Variants in TUSC3 observed in about 807,000 individuals in gnomAD.
TUSC3 encodes tumor suppressor candidate 3, also known as dolichyl-diphosphooligosaccharide--protein glycosyltransferase subunit TUSC3.
In TUSC3, 45 loss-of-function variants were observed where a neutral mutation model predicts 44.8. That is an observed-to-expected ratio of 1.00 (90% CI 0.79 to 1.29). The LOEUF is 1.29. TUSC3 is among the 50% of genes most tolerant of loss of function. The pLI is 0.00. For missense variants in TUSC3, 519 were observed against 437.9 expected (o/e 1.19, Z -1.65); for synonymous variants, 212 against 152.9 (o/e 1.39, Z -2.85).
chr8:15,662,299 A>G lies in TUSC3; in HGVS notation c.708+3A>G. The G allele has an allele frequency of 3.7e-6, 6 of 1,612,640 alleles. No homozygotes were observed. Among genetic ancestry groups the G allele is most frequent in the Non-Finnish European group, 5.1e-6 (6 of 1,178,908 alleles). ...CTGGTTGGGCCATGGTGTCTCTGGT[A>G]TGTTAATACATTGTGCTTTTTTTAT... On this transcript the variant is annotated splice_donor_region_variant and intron_variant, in intron 5 of 10. Coordinates refer to ENST00000503731, the MANE Select transcript of TUSC3 (RefSeq NM_006765.4).
At chr8:15,627,872 G>A (rs955024650) in intron 2 of TUSC3, among the ~76,000 whole-genome samples, 1 of 152,300 alleles carries the variant, frequency 6.6e-6, no homozygotes, top group African/African-American at 2.4e-5. Flanking sequence ...GATCCTGGCC[G>A]GTAGCGGGAG....
At chr8:15,684,686 T>C (rs1808556261) in intron 6 of TUSC3, among the ~76,000 whole-genome samples, 1 of 152,138 alleles carries the variant, frequency 6.6e-6, no homozygotes, top group Admixed American at 6.5e-5. Flanking sequence ...CTTCTCTGTG[T>C]TCTGAGATTG....
Position 15,764,524 on chromosome 8 carries a change from C to A in TUSC3, c.*368C>A. 6.8e-6 allele frequency: 2 copies of A among 294,862 alleles called. No individual in the cohort carries two copies. Among genetic ancestry groups the A allele is most frequent in the Non-Finnish European group, 6.5e-6 (1 of 153,250 alleles). The allele number at this position is 294,862 out of a possible 1,614,324, so 18.3% of individuals were successfully genotyped here. A position where few individuals can be genotyped will look rare whatever the true frequency, so the allele number is the denominator to read the frequency against. On this transcript the variant is annotated 3_prime_UTR_variant, in exon 11 of 11. Transcript: ENST00000503731. Reference sequence around the variant, plus strand: ...AGCTGTTTACTCATTAGTAAAGGACCGCAATGTTAGTAAAGAAAACCTATG... The same window carrying A: ...AGCTGTTTACTCATTAGTAAAGGACAGCAATGTTAGTAAAGAAAACCTATG...
intron 6 of TUSC3, among the ~76,000 whole-genome samples, chr8:15,684,091 G>A (rs553735243): frequency 3.5e-5 from 5 of 144,812 alleles, no homozygotes; most frequent in African/African-American, 1.0e-4. Context: ...TGCATTCACC[G>A]TAGTGCTCTG....
At chr8:15,734,199 G>A (rs1331096018) in intron 7 of TUSC3, among the ~76,000 whole-genome samples, 1 of 152,022 alleles carries the variant, frequency 6.6e-6, no homozygotes, top group Non-Finnish European at 1.5e-5. Flanking sequence ...TCATTTATCT[G>A]TAGAGAGAAC....
chr8:15,446,300 G>T (rs568740924), intron 1 of TUSC3, among the ~76,000 whole-genome samples: 177 of 152,136 alleles, frequency 1.2e-3, no homozygotes, highest in African/African-American at 3.9e-3. Context: ...GCCAGGCAGA[G>T]ATGCTCCTTA....
chr8:15,533,277 A>G (rs1027306621), intron 2 of TUSC3, among the ~76,000 whole-genome samples: 1 of 152,198 alleles, frequency 6.6e-6, no homozygotes, highest in Non-Finnish European at 1.5e-5. Flanking sequence ...TATCAGCAGC[A>G]TGAAAATTGA....
At chr8:15,646,099 C>T (rs1275243547) in intron 2 of TUSC3, among the ~76,000 whole-genome samples, 2 of 152,088 alleles carry the variant, frequency 1.3e-5, no homozygotes, top group African/African-American at 2.4e-5. Context: ...GCTACACAGT[C>T]GCTGAGAATT....
chr8:15,757,108 G>T (rs1226914137), intron 9 of TUSC3, among the ~76,000 whole-genome samples: 1 of 152,164 alleles, frequency 6.6e-6, no homozygotes, highest in East Asian at 1.9e-4. Flanking sequence ...CTGCACTCCA[G>T]CCTGTGCCAC....
chr8:15,421,365 C>T (rs963915210), intron 1 of TUSC3, among the ~76,000 whole-genome samples: 1 of 152,020 alleles, frequency 6.6e-6, no homozygotes, highest in Non-Finnish European at 1.5e-5. Flanking sequence ...GGAGACACTA[C>T]CTTTGAGCCC....
At position 15,479,637 on chromosome 8, in the gene TUSC3, G is replaced by T. The variant is rs139124889; in HGVS notation, n.92-3749G>T. ...CTCAGATGTCTATTCTGTTCCATTG[G>T]TCTCTGTGTCTGTTTTGTACCAGTA... On this transcript the variant is annotated intron_variant and non_coding_transcript_variant, in intron 1 of 5. Coordinates refer to the TUSC3 transcript ENST00000503191. 9.2e-3 allele frequency among the ~76,000 whole-genome samples: 1,398 copies of T among 152,146 alleles called. 25 individuals carry two copies. The highest frequency in any genetic ancestry group is 0.032 in the African/African-American group (1,313 of 41,496).
At chr8:15,503,041 C>T (rs564678536) in intron 2 of TUSC3, among the ~76,000 whole-genome samples, 4 of 152,038 alleles carry the variant, frequency 2.6e-5, no homozygotes, top group Non-Finnish European at 5.9e-5. Flanking sequence ...TGTGTGAAAC[C>T]AGTTACGGGT....
chr8:15,839,065 G>A, the TUSC3 span, among the ~76,000 whole-genome samples: 1 of 152,004 alleles, frequency 6.6e-6, no homozygotes, highest in Non-Finnish European at 1.5e-5. Flanking sequence ...CCTTGAAGAG[G>A]TCCTTCACAT....
At chr8:15,837,610 C>G in the TUSC3 span, among the ~76,000 whole-genome samples, 1 of 152,036 alleles carries the variant, frequency 6.6e-6, no homozygotes, top group Non-Finnish European at 1.5e-5. Flanking sequence ...CTTCCATTTT[C>G]TGAGATCTGC....
Position 15,427,364 on chromosome 8 carries a change from A to T in TUSC3, n.91+10059A>T, listed in dbSNP as rs79671431. On this transcript the variant is annotated intron_variant and non_coding_transcript_variant, in intron 1 of 5. Transcript: ENST00000503191. ...GGCAGCCATCAGGTGATGGACAAGC[A>T]GCTGTTAACTGCCTCTCTAGAATAA... 2.6e-3 allele frequency among the ~76,000 whole-genome samples: 393 copies of T among 152,098 alleles called. 1 individual carries two copies. The East Asian group carries it at 0.044, about 17-fold the overall frequency.
chr8:15,725,444 A>G (rs150992766), intron 6 of TUSC3, among the ~76,000 whole-genome samples: 1 of 152,336 alleles, frequency 6.6e-6, no homozygotes, highest in East Asian at 1.9e-4. Flanking sequence ...GCATAAATTT[A>G]CAAAAACAAA....
At chr8:15,669,925 C>T (rs892801517) in intron 5 of TUSC3, among the ~76,000 whole-genome samples, 5 of 151,466 alleles carry the variant, frequency 3.3e-5, no homozygotes, top group African/African-American at 1.2e-4. Flanking sequence ...AAAAATTAGA[C>T]CTAATTCGTA....
At chr8:15,614,756 T>G (rs568412283) in intron 1 of TUSC3, among the ~76,000 whole-genome samples, 4 of 152,250 alleles carry the variant, frequency 2.6e-5, no homozygotes, top group Admixed American at 2.0e-4. Context: ...ATTTGTAAAT[T>G]GCCTTGGACA....
chr8:15,781,731 T>C, the TUSC3 span, among the ~76,000 whole-genome samples: 2 of 152,144 alleles, frequency 1.3e-5, no homozygotes, highest in African/African-American at 2.4e-5. Context: ...AAAGAATTAA[T>C]ACCAACCCTT....
Sources: gnomAD v4.1 joint callset for allele counts (sites outside exome capture counted in the v4.1 genomes callset) on GRCh38, gnomAD v4.1.1 for gene constraint, MANE v1.5 for transcripts, NCBI Gene and HGNC (gene_info 2026-07-23, HGNC 2026-07-21) for gene names.